The following ATP5F1D variants were observed in gnomAD, a reference collection of about 807,000 sequenced individuals.
ATP5F1D encodes the protein ATP synthase F1 subunit delta.
In ATP5F1D, 16 loss-of-function variants were observed where a neutral mutation model predicts 13.0. The ratio of observed to expected loss-of-function variants is 1.23; its 90% confidence interval spans 0.83 to 1.87. ATP5F1D has a LOEUF of 1.87. Among genes scored for constraint, ATP5F1D ranks in the 40% most tolerant of loss-of-function variants. ATP5F1D has a pLI of 0.00. For synonymous variants in ATP5F1D, 129 were observed against 116.2 expected, an observed-to-expected ratio of 1.11 and a Z score of -0.71; for missense variants, 294 against 246.2, an observed-to-expected ratio of 1.19 and a Z score of -1.30.
rs912793890 is a variant in ATP5F1D at position 1,242,472 on chromosome 19, C to T, written c.158C>T (p.Ala53Val). The T allele has an allele frequency of 5.9e-6, 9 of 1,531,930 alleles. No homozygotes were observed. In the African/African-American group the frequency reaches 9.6e-5, roughly 16 times the overall value. The allele number at this position is 1,531,930 out of a possible 1,614,324, so 94.9% of individuals were successfully genotyped here. ...ASPTQVFFNG[A>V]NVRQVDVPTL... ...TGTCTGCAGGTGTTCTTCAACGGTG[C>T]CAACGTCCGGCAGGTGGACGTGCCC... Residue 53 changes from alanine (A) to valine (V), a missense_variant, in exon 2 of 4, where the codon GCC (alanine) becomes GTC (valine). Physicochemically the swap from Ala to Val is moderately conservative, Grantham distance 64 (BLOSUM62 0). Coordinates refer to ENST00000215375, the MANE Select transcript of ATP5F1D (RefSeq NM_001687.5).
At position 1,241,895 on chromosome 19, in the gene ATP5F1D, C is replaced by A. The variant is rs550041912; in HGVS notation, c.45C>A (p.Leu15=). 1 of 1,455,710 alleles carries A rather than the reference C, an allele frequency of 6.9e-7. No homozygotes were observed. The highest frequency in any genetic ancestry group is 9.0e-7 in the Non-Finnish European group (1 of 1,106,720). 90.2% of individuals were successfully genotyped at this position (1,455,710 alleles called of 1,614,324 possible). Residue 15 remains leucine, a synonymous_variant, in exon 1 of 4, where the codon CTC becomes CTA. Coordinates refer to ENST00000215375, the MANE Select transcript of ATP5F1D (RefSeq NM_001687.5). The part of the protein sequence containing the change: ...ALLRRPGLGR[L]VRHARAYAEA... ...TCCGCCGCCCGGGACTTGGCCGCCT[C>A]GTCCGCCACGCCCGTGCCTATGCCG...
Position 1,241,932 on chromosome 19 carries a change from G to T in ATP5F1D, c.82G>T (p.Ala28Ser), listed in dbSNP as rs773788869. 2.7e-6 allele frequency: 4 copies of T among 1,494,588 alleles called. No individual in the cohort carries two copies. Among genetic ancestry groups the T allele is most frequent in the African/African-American group, 1.4e-5 (1 of 69,384 alleles). The allele number at this position is 1,494,588 out of a possible 1,614,324, so 92.6% of individuals were successfully genotyped here. Reference protein sequence around the residue: ...HARAYAEAAAAPAAASGPNQM... With the variant: ...HARAYAEAAASPAAASGPNQM... ...CCGTGCCTATGCCGAGGCCGCCGCCGCCCCGGCTGCCGCCTCTGGCCCCAA... is the reference window on the plus strand; with the variant it reads ...CCGTGCCTATGCCGAGGCCGCCGCCTCCCCGGCTGCCGCCTCTGGCCCCAA... Residue 28 changes from alanine (A) to serine (S), a missense_variant, in exon 1 of 4, where the codon GCC (alanine) becomes TCC (serine). Physicochemically the swap from Ala to Ser is moderately conservative, Grantham distance 99. Transcript: ENST00000215375.
rs2081042920 is a variant in ATP5F1D at position 1,242,558 on chromosome 19, C to T, written c.244C>T (p.Pro82Ser). 5 of 1,545,964 alleles carry T rather than the reference C, an allele frequency of 3.2e-6. No individual in the cohort carries two copies. The East Asian group carries it at 9.8e-5, about 30-fold the overall frequency. Residue 82 changes from proline (P) to serine (S), a missense_variant, in exon 2 of 4, where the codon CCG becomes TCG. By Grantham distance (74) the Pro-to-Ser change is moderately conservative. Coordinates refer to ENST00000215375, the MANE Select transcript of ATP5F1D (RefSeq NM_001687.5). ...AHVPTLQVLR[P>S]GLVVVHAEDG... ...CGTGCCCACGCTGCAGGTCCTGCGGCCGGGGCTGGTCGTGGTGCATGCAGA... is the reference window on the plus strand; with the variant it reads ...CGTGCCCACGCTGCAGGTCCTGCGGTCGGGGCTGGTCGTGGTGCATGCAGA...
At position 1,244,361 on chromosome 19, in the gene ATP5F1D, C is replaced by T. The variant is rs1300374219; in HGVS notation, c.431C>T (p.Thr144Ile). The change falls in exon 4 of 4, where the codon ACA becomes ATA. Residue 144 changes from threonine (T) to isoleucine (I), a missense_variant. Transcript: ENST00000215375. Reference sequence around the variant, plus strand: ...AAGGCCCAGGCGGAGCTGGTGGGGACAGCTGACGAGGCCACGCGGGCAGAG... The same window carrying T: ...AAGGCCCAGGCGGAGCTGGTGGGGATAGCTGACGAGGCCACGCGGGCAGAG... ...LEKAQAELVG[T>I]ADEATRAEIQ... 1 of 1,587,644 alleles carries T rather than the reference C, an allele frequency of 6.3e-7. No individual in the cohort carries two copies. Among genetic ancestry groups the T allele is most frequent in the Non-Finnish European group, 8.6e-7 (1 of 1,167,452 alleles).
In ATP5F1D at chr19:1,244,451, G is replaced by A. The variant is rs772607438; in HGVS notation, c.*14G>A. The stretch of plus-strand genomic sequence containing the variant: ...GCCCTGGAGTAGGCGGTGCGTACCC[G>A]GTGTCCCGAGGCCCGGCCAGGGGCT... On this transcript the variant is annotated 3_prime_UTR_variant, in exon 4 of 4. Transcript: ENST00000215375. The A allele has an allele frequency of 3.6e-5, 55 of 1,548,220 alleles. No homozygotes were observed. Among genetic ancestry groups the A allele is most frequent in the Non-Finnish European group, 4.4e-5 (50 of 1,145,504 alleles).
chr19:1,242,378 C>G (rs2145471706), intron 1 of ATP5F1D, 78 bp from the exon 2 acceptor site: 1 of 1,415,824 alleles, frequency 7.1e-7, no homozygotes, highest in East Asian at 2.7e-5. Context: ...TGACCCATTA[C>G]TTAGCAGGAC....
rs1013812655 is a variant in ATP5F1D at position 1,242,598 on chromosome 19, C to A, written c.284C>A (p.Ser95Tyr). The A allele has an allele frequency of 8.5e-6, 13 of 1,525,102 alleles. No homozygotes were observed. The highest frequency in any genetic ancestry group is 1.1e-5 in the Non-Finnish European group (12 of 1,129,796). The allele number at this position is 1,525,102 out of a possible 1,614,324, so 94.5% of individuals were successfully genotyped here. A position where few individuals can be genotyped will look rare whatever the true frequency, so the allele number is the denominator to read the frequency against. The change falls in exon 2 of 4, where the codon TCC (serine) becomes TAC (tyrosine). Residue 95 changes from serine (S) to tyrosine (Y), a missense_variant. Physicochemically the swap from Ser to Tyr is moderately radical, Grantham distance 144 (BLOSUM62 -2). Coordinates refer to ENST00000215375, the MANE Select transcript of ATP5F1D (RefSeq NM_001687.5). ...GTGCATGCAGAGGACGGCACCACCTCCAAATACTTTGGTGAGTCCGGTGGA... is the reference window on the plus strand; with the variant it reads ...GTGCATGCAGAGGACGGCACCACCTACAAATACTTTGGTGAGTCCGGTGGA... The part of the protein sequence containing the change: ...VVVHAEDGTT[S>Y]KYFVSSGSIA...
In ATP5F1D at chr19:1,241,778, C is replaced by G; in HGVS notation, c.-73C>G. The stretch of plus-strand genomic sequence containing the variant: ...ACGTCCCTGCGCGTCGTCCTCCTCG[C>G]CCTCCAGGCCGCCCGCGCCGCGCCG... On this transcript the variant is annotated 5_prime_UTR_variant, in exon 1 of 4. Coordinates refer to ENST00000215375, the MANE Select transcript of ATP5F1D (RefSeq NM_001687.5). The G allele has an allele frequency of 7.9e-7, 1 of 1,270,286 alleles. No individual in the cohort carries two copies. The highest frequency in any genetic ancestry group is 9.9e-7 in the Non-Finnish European group (1 of 1,010,558). The allele number at this position is 1,270,286 out of a possible 1,614,324, so 78.7% of individuals were successfully genotyped here. A position where few individuals can be genotyped will look rare whatever the true frequency, so the allele number is the denominator to read the frequency against.
At chr19:1,244,005 G>A in intron 2 of ATP5F1D, 92 bp from the exon 3 acceptor site, 1 of 1,297,986 alleles carries the variant, frequency 7.7e-7, no homozygotes, top group Non-Finnish European at 1.1e-6. Flanking sequence ...GGAGCTCCTG[G>A]TTCACAGGGG....
In ATP5F1D at chr19:1,244,468, C is replaced by A; in HGVS notation, c.*31C>A. On this transcript the variant is annotated 3_prime_UTR_variant, in exon 4 of 4. Coordinates refer to ENST00000215375, the MANE Select transcript of ATP5F1D (RefSeq NM_001687.5). ...GCGTACCCGGTGTCCCGAGGCCCGG[C>A]CAGGGGCTGGGCAGGGATGCCAGGT... 6.5e-7 allele frequency: 1 copy of A among 1,541,948 alleles called. No individual in the cohort carries two copies. The highest frequency in any genetic ancestry group is 8.8e-7 in the Non-Finnish European group (1 of 1,141,544).
chr19:1,241,875 C>T lies in ATP5F1D; in HGVS notation c.25C>T (p.Arg9Cys), dbSNP rs531544101. 5.7e-4 allele frequency: 799 copies of T among 1,402,914 alleles called. 4 individuals carry two copies. The African/African-American group carries it at 8.5e-3, about 15-fold the overall frequency. 86.9% of individuals were successfully genotyped at this position (1,402,914 alleles called of 1,614,324 possible). A position where few individuals can be genotyped will look rare whatever the true frequency, so the allele number is the denominator to read the frequency against. Residue 9 changes from arginine to cysteine, a missense_variant, in exon 1 of 4, where the codon CGC (arginine) becomes TGC (cysteine). Transcript: ENST00000215375. Reference sequence around the variant, plus strand: ...CATGCTGCCCGCCGCGCTGCTCCGCCGCCCGGGACTTGGCCGCCTCGTCCG... The same window carrying T: ...CATGCTGCCCGCCGCGCTGCTCCGCTGCCCGGGACTTGGCCGCCTCGTCCG... MLPAALLR[R>C]PGLGRLVRHA...
chr19:1,243,930 T>C lies in ATP5F1D; in HGVS notation c.296-167T>C. Reference sequence around the variant, plus strand: ...GTTCTTCTCTAGCAGTTGCCCGCCATGTTGGGCCCAGGGCCAGTCCTGTGG... The same window carrying C: ...GTTCTTCTCTAGCAGTTGCCCGCCACGTTGGGCCCAGGGCCAGTCCTGTGG... On this transcript the variant is annotated intron_variant, in intron 2 of 3. Transcript: ENST00000215375. The C allele has an allele frequency of 4.5e-6, 3 of 665,160 alleles. No homozygotes were observed. In the South Asian group the frequency reaches 6.1e-5, roughly 14 times the overall value. 41.2% of individuals were successfully genotyped at this position (665,160 alleles called of 1,614,324 possible). A position where few individuals can be genotyped will look rare whatever the true frequency, so the allele number is the denominator to read the frequency against.
Position 1,244,120 on chromosome 19 carries a change from A to T in ATP5F1D, c.319A>T (p.Asn107Tyr). 6.2e-7 allele frequency: 1 copy of T among 1,611,566 alleles called. No individual in the cohort carries two copies. Among genetic ancestry groups the T allele is most frequent in the Non-Finnish European group, 8.5e-7 (1 of 1,179,072 alleles). Residue 107 changes from asparagine (N) to tyrosine (Y), a missense_variant, in exon 3 of 4, where the codon AAC (asparagine) becomes TAC (tyrosine). Coordinates refer to ENST00000215375, the MANE Select transcript of ATP5F1D (RefSeq NM_001687.5). ...YFVSSGSIAV[N>Y]ADSSVQLLAE... ...AGTGAGCAGCGGTTCCATCGCAGTG[A>T]ACGCCGACTCTTCGGTGCAGTTGTT...
intron 2 of ATP5F1D, 24 bp from the exon 3 acceptor site, chr19:1,244,073 C>A: frequency 6.3e-7 from 1 of 1,598,072 alleles, no homozygotes; most frequent in Non-Finnish European, 8.5e-7. Context: ...GGTCTCACGC[C>A]TTCCCCCCGC....
rs1477047168 is a variant in ATP5F1D, at chr19:1,244,801, C to A, written c.*364C>A. On this transcript the variant is annotated 3_prime_UTR_variant, in exon 4 of 4. Transcript: ENST00000215375. ...CTGGATGAACTGCCCCCAGCCCCCG[C>A]CCCATTAAAGACCCGGAAGCCTGAC... The A allele has an allele frequency of 7.5e-6, 2 of 267,822 alleles. No homozygotes were observed. The highest frequency in any genetic ancestry group is 1.5e-5 in the Non-Finnish European group (2 of 137,686). The allele number at this position is 267,822 out of a possible 1,614,324, so 16.6% of individuals were successfully genotyped here.
intron 1 of ATP5F1D, chr19:1,242,245 G>C (rs1418946338): frequency 3.9e-6 from 3 of 766,672 alleles, no homozygotes; most frequent in Non-Finnish European, 5.5e-6. Context: ...GGTGTCGCCG[G>C]ATCGTTGCAT....
chr19:1,243,891 G>A (rs2081049348), intron 2 of ATP5F1D, among the ~76,000 whole-genome samples: 1 of 152,124 alleles, frequency 6.6e-6, no homozygotes, highest in Non-Finnish European at 1.5e-5. Flanking sequence ...GTCCTTTCTT[G>A]CGGCCCCTGT....
intron 1 of ATP5F1D, 189 bp from the exon 2 acceptor site, chr19:1,242,267 G>C (rs1455389861): frequency 2.2e-5 from 18 of 800,934 alleles, no homozygotes; most frequent in Admixed American, 8.5e-5. Flanking sequence ...CCCATTTCGC[G>C]GATCAGTAGA....
intron 1 of ATP5F1D, 187 bp from the exon 2 acceptor site, chr19:1,242,269 A>T: frequency 1.2e-6 from 1 of 807,832 alleles, no homozygotes; most frequent in Non-Finnish European, 1.7e-6. Context: ...CATTTCGCGG[A>T]TCAGTAGAAT....
Sources: allele counts gnomAD v4.1 joint callset (sites outside exome capture counted in the v4.1 genomes callset), GRCh38; gene constraint gnomAD v4.1.1; transcripts MANE v1.5; gene names NCBI Gene and HGNC (gene_info 2026-07-23, HGNC 2026-07-21).